The following EHBP1 variants were observed in gnomAD, a reference collection of about 807,000 sequenced individuals.
EHBP1 encodes EH domain-binding protein 1.
Under a neutral mutation model 144.0 loss-of-function variants are expected in EHBP1, and 55 were observed. That is an observed-to-expected ratio of 0.38 (90% confidence interval 0.31 to 0.48). EHBP1 has a LOEUF of 0.48. Ranked by LOEUF, EHBP1 falls within the 20% of genes least tolerant of loss-of-function variation. The probability of loss-of-function intolerance (pLI) is 0.98; values close to 1 mark genes in which losing one functional copy is unlikely to be tolerated. For missense variants in EHBP1, 1,200 were observed against 1,364.2 expected (o/e 0.88, Z 1.90); for synonymous variants, 469 against 472.7 (o/e 0.99, Z 0.10).
intron 13 of EHBP1, 23 bp from the exon 14 acceptor site, chr2:62,955,494 A>C (rs1377716638): frequency 1.5e-5 from 23 of 1,575,144 alleles, no homozygotes; most frequent in Non-Finnish European, 2.0e-5. Flanking sequence ...TTTGGCTTCT[A>C]ATTCTGTATC....
At chr2:62,794,577 A>G (rs1023757580) in intron 5 of EHBP1, among the ~76,000 whole-genome samples, 1 of 151,888 alleles carries the variant, frequency 6.6e-6, no homozygotes, top group African/African-American at 2.4e-5. Context: ...AATTTGAGGA[A>G]CTCCTTTTGC....
At chr2:62,837,348 A>G (rs1387714812) in intron 7 of EHBP1, among the ~76,000 whole-genome samples, 1 of 147,264 alleles carries the variant, frequency 6.8e-6, no homozygotes, top group Non-Finnish European at 1.5e-5. Context: ...AGTGCTAAAC[A>G]TGGAAAGGAA....
intron 10 of EHBP1, among the ~76,000 whole-genome samples, chr2:62,888,970 C>T (rs893387009): frequency 4.7e-5 from 7 of 149,988 alleles, no homozygotes; most frequent in Non-Finnish European, 5.9e-5. Context: ...GCCACTAACT[C>T]CTGGAGGCAT....
At chr2:62,900,554 G>A (rs969271109) in intron 10 of EHBP1, among the ~76,000 whole-genome samples, 9 of 151,788 alleles carry the variant, frequency 5.9e-5, no homozygotes, top group Non-Finnish European at 8.8e-5. Flanking sequence ...TCAGGAGATC[G>A]AGGCTGCAGT....
chr2:62,696,142 TTCTCTCTCTCTC>T (rs560824913), intron 1 of EHBP1, among the ~76,000 whole-genome samples: 166 of 132,434 alleles, frequency 1.3e-3, no homozygotes, highest in Middle Eastern at 0.012. Flanking sequence ...CTCCCTTCCT[TTCTCTCTCTCTC>T]TCTCTCTCTC....
At chr2:62,848,045 T>G (rs1573690989) in intron 7 of EHBP1, among the ~76,000 whole-genome samples, 1 of 151,896 alleles carries the variant, frequency 6.6e-6, no homozygotes, top group African/African-American at 2.4e-5. Context: ...GTTGGTAGAA[T>G]GTATAATGGT....
At chr2:63,025,639 G>A (rs1423740094) in intron 19 of EHBP1, among the ~76,000 whole-genome samples, 3 of 152,142 alleles carry the variant, frequency 2.0e-5, no homozygotes, top group African/African-American at 2.4e-5. Flanking sequence ...TGAGATTGAC[G>A]CATAAGATTT....
At chr2:62,826,427 A>G (rs1325651336) in intron 6 of EHBP1, 159 bp downstream of exon 6, 2 of 571,658 alleles carry the variant, frequency 3.5e-6, no homozygotes, top group African/African-American at 3.9e-5. Context: ...CTTGTTACTT[A>G]TAAATAGTCT....
At chr2:62,921,783 C>T (rs2055109064) in intron 10 of EHBP1, among the ~76,000 whole-genome samples, 1 of 152,150 alleles carries the variant, frequency 6.6e-6, no homozygotes, top group Admixed American at 6.5e-5. Context: ...TACTCTTGAC[C>T]AGAACAGACC....
At chr2:62,746,476 A>G (rs1466680798) in intron 2 of EHBP1, among the ~76,000 whole-genome samples, 6 of 152,102 alleles carry the variant, frequency 3.9e-5, no homozygotes, top group East Asian at 1.9e-4. Flanking sequence ...TGAACAGGAC[A>G]TAGAAAGTGG....
chr2:62,717,130 C>T (rs941418713), intron 2 of EHBP1, among the ~76,000 whole-genome samples: 4 of 152,008 alleles, frequency 2.6e-5, no homozygotes, highest in African/African-American at 7.2e-5. Context: ...AGGATCTTTT[C>T]GTAGTGTGTA....
intron 10 of EHBP1, among the ~76,000 whole-genome samples, chr2:62,899,836 A>G (rs2053250932): frequency 6.6e-6 from 1 of 152,210 alleles, no homozygotes; most frequent in African/African-American, 2.4e-5. Context: ...AATTTCTTAC[A>G]TTTATAAGAT....
intron 6 of EHBP1, among the ~76,000 whole-genome samples, chr2:62,827,203 T>G (rs1394710426): frequency 1.3e-5 from 2 of 152,198 alleles, no homozygotes; most frequent in African/African-American, 4.8e-5. Flanking sequence ...TGGCAACACA[T>G]GACTTGTGAG....
intron 21 of EHBP1, among the ~76,000 whole-genome samples, chr2:63,042,425 A>G (rs2061700707): frequency 6.6e-6 from 1 of 152,114 alleles, no homozygotes; most frequent in Non-Finnish European, 1.5e-5. Flanking sequence ...TTCACTGCAC[A>G]TTGCTATTTC....
At position 62,736,377 on chromosome 2, in the gene EHBP1, C is replaced by T. The variant is rs148863082; in HGVS notation, c.105-11018C>T. Among the ~76,000 whole-genome samples the T allele has an allele frequency of 5.4e-3, 818 of 151,970 alleles. 8 individuals are homozygous for T. The highest frequency in any genetic ancestry group is 0.019 in the African/African-American group (777 of 41,428). On this transcript the variant is annotated intron_variant, in intron 2 of 22. Transcript: ENST00000431489. ...TAGCTGGGATTAGAGGTGTGCACCA[C>T]CATACCCGGCTAATTTTTGTGTTTT...
chr2:62,733,021 AC>A (rs1284438658), intron 2 of EHBP1, among the ~76,000 whole-genome samples: 3 of 152,114 alleles, frequency 2.0e-5, no homozygotes, highest in Non-Finnish European at 4.4e-5. Context: ...GCTTCCAGTA[AC>A]ACCCTTAGCA....
intron 14 of EHBP1, among the ~76,000 whole-genome samples, chr2:62,965,910 A>T (rs1488119784): frequency 6.6e-6 from 1 of 152,174 alleles, no homozygotes; most frequent in Non-Finnish European, 1.5e-5. Flanking sequence ...CTCCAAAATG[A>T]GGGAAAATAC....
intron 2 of EHBP1, among the ~76,000 whole-genome samples, chr2:62,738,790 C>T (rs1474344333): frequency 1.3e-5 from 2 of 152,140 alleles, no homozygotes; most frequent in African/African-American, 2.4e-5. Context: ...ATTTTCAGAA[C>T]GCTTTCTTAT....
At chr2:62,980,052 C>T (rs1326829858) in intron 15 of EHBP1, among the ~76,000 whole-genome samples, 1 of 152,106 alleles carries the variant, frequency 6.6e-6, no homozygotes, top group Non-Finnish European at 1.5e-5. Context: ...CAGATACTTG[C>T]CCTGAGTTAA....
Sources: allele counts gnomAD v4.1 joint callset (sites outside exome capture counted in the v4.1 genomes callset), GRCh38; gene constraint gnomAD v4.1.1; transcripts MANE v1.5; gene names NCBI Gene and HGNC (gene_info 2026-07-23, HGNC 2026-07-21).